The following NUGGC variants were observed in gnomAD, a reference collection of about 807,000 sequenced individuals.
The protein encoded by NUGGC is nuclear GTPase SLIP-GC.
A neutral mutation model predicts 92.6 loss-of-function variants in NUGGC; 58 were observed. That is an observed-to-expected ratio of 0.63 (90% confidence interval 0.51 to 0.78). The LOEUF (loss-of-function observed/expected upper bound fraction) is 0.78. Among genes scored for constraint, NUGGC ranks in the 30% least tolerant of loss-of-function variants. The probability of loss-of-function intolerance (pLI) is 0.00; values close to 1 mark genes in which losing one functional copy is unlikely to be tolerated. For synonymous variants in NUGGC, 376 were observed against 366.4 expected, an observed-to-expected ratio of 1.03 and a Z score of -0.30; for missense variants, 925 against 964.6, an observed-to-expected ratio of 0.96 and a Z score of 0.54.
At chr8:28,055,057 A>T (rs1057434666) in intron 10 of NUGGC, among the ~76,000 whole-genome samples, 1 of 151,986 alleles carries the variant, frequency 6.6e-6, no homozygotes, top group South Asian at 2.1e-4. Context: ...CATGGTGACC[A>T]GCCTGGTCAA....
At chr8:28,028,847 T>C (rs963080119) in intron 17 of NUGGC, among the ~76,000 whole-genome samples, 1 of 152,196 alleles carries the variant, frequency 6.6e-6, no homozygotes, top group Admixed American at 6.5e-5. Context: ...CTAAACAATC[T>C]GTTTTGAGAT....
chr8:28,040,836 G>C (rs1357776527), intron 13 of NUGGC, among the ~76,000 whole-genome samples: 1 of 151,994 alleles, frequency 6.6e-6, no homozygotes, highest in African/African-American at 2.4e-5. Flanking sequence ...TAGTAGAGAC[G>C]GGGTTTCACC....
intron 10 of NUGGC, among the ~76,000 whole-genome samples, chr8:28,051,539 T>C (rs1247764932): frequency 4.6e-5 from 7 of 152,180 alleles, no homozygotes; most frequent in African/African-American, 1.7e-4. Context: ...ACAGTCTTAG[T>C]AGGGGCACAA....
In NUGGC at chr8:28,074,371, G is replaced by C; in HGVS notation, c.40C>G (p.Pro14Ala). ...GAAGATACTGCAAAGATGTTACCTG[G>C]ATGCGGTTCCTGGCCAAAAACATCC... ...TKDVFGQEPH[P>A]VEDDLYKERT... The change falls in exon 2 of 19, where the codon CCA (proline) becomes GCA (alanine). Residue 14 changes from proline (P) to alanine (A), a missense_variant. Pro to Ala is a conservative substitution (Grantham distance 27). Coordinates refer to ENST00000413272, the MANE Select transcript of NUGGC (RefSeq NM_001010906.2). The C allele has an allele frequency of 6.2e-7, 1 of 1,610,262 alleles. No homozygotes were observed. Among genetic ancestry groups the C allele is most frequent in the African/African-American group, 1.3e-5 (1 of 74,896 alleles).
At chr8:28,052,278 A>G (rs1401645601) in intron 10 of NUGGC, among the ~76,000 whole-genome samples, 3 of 152,212 alleles carry the variant, frequency 2.0e-5, no homozygotes, top group Non-Finnish European at 4.4e-5. Context: ...GCTGCAGGCC[A>G]GGTGGCAGTC....
chr8:28,069,293 G>A (rs555740570), intron 4 of NUGGC, among the ~76,000 whole-genome samples: 1 of 152,250 alleles, frequency 6.6e-6, no homozygotes, highest in South Asian at 2.1e-4. Flanking sequence ...AAATGGAAGT[G>A]ATCATAATAG....
intron 1 of NUGGC, among the ~76,000 whole-genome samples, chr8:28,074,693 C>T (rs956281807): frequency 6.6e-6 from 1 of 152,224 alleles, no homozygotes; most frequent in Non-Finnish European, 1.5e-5. Flanking sequence ...AATCCCAGCT[C>T]TTTGGGAGGC....
chr8:28,024,826 T>C (rs1809216051), intron 18 of NUGGC, among the ~76,000 whole-genome samples: 1 of 152,220 alleles, frequency 6.6e-6, no homozygotes, highest in Admixed American at 6.5e-5. Flanking sequence ...CCAGCTTCAG[T>C]GACGCTTCCC....
chr8:28,030,335 CT>C lies in NUGGC; in HGVS notation c.1991del (p.Gln664ArgfsTer4). Reference sequence around the variant, plus strand: ...CTTCGTAACAGAGCTTCAGGTCACTCTGGACAGAGGCAGTGAGGGACTCGTA... The same window carrying C: ...CTTCGTAACAGAGCTTCAGGTCACTCGGACAGAGGCAGTGAGGGACTCGTA... Reference protein sequence around the residue: ...RIYESLTASVQSDLKLCYEEA... With the variant: ...RIYESLTASVXSDLKLCYEEA... On this transcript the variant is annotated frameshift_variant, in exon 16 of 19. Coordinates refer to ENST00000413272, the MANE Select transcript of NUGGC (RefSeq NM_001010906.2). LOFTEE classifies it high-confidence loss of function. 1 of 1,574,362 alleles carries C rather than the reference CT, an allele frequency of 6.4e-7. No individual in the cohort carries two copies. The highest frequency in any genetic ancestry group is 1.8e-5 in the Admixed American group (1 of 54,862).
intron 8 of NUGGC, among the ~76,000 whole-genome samples, chr8:28,059,800 T>TC (rs1442000635): frequency 6.6e-6 from 1 of 152,164 alleles, no homozygotes; most frequent in Non-Finnish European, 1.5e-5. Flanking sequence ...GGCGGGCAGA[T>TC]CACCTGAGGT....
intron 16 of NUGGC, among the ~76,000 whole-genome samples, chr8:28,030,039 T>C (rs1217910726): frequency 6.6e-6 from 1 of 152,172 alleles, no homozygotes; most frequent in Non-Finnish European, 1.5e-5. Flanking sequence ...AATGAGAACC[T>C]GGACACTGGA....
At chr8:28,047,461 T>C in intron 11 of NUGGC, 46 bp downstream of exon 11, 1 of 1,230,804 alleles carries the variant, frequency 8.1e-7, no homozygotes, top group Non-Finnish European at 1.2e-6. Context: ...GTGCCAAGCT[T>C]GATCTTGAGA....
intron 17 of NUGGC, among the ~76,000 whole-genome samples, chr8:28,029,047 A>G (rs1283331806): frequency 6.6e-6 from 1 of 152,172 alleles, no homozygotes; most frequent in East Asian, 1.9e-4. Context: ...ATAGCTGAGC[A>G]CATGTCTAGC....
At chr8:28,041,874 C>A (rs1563218487) in intron 12 of NUGGC, among the ~76,000 whole-genome samples, 1 of 152,250 alleles carries the variant, frequency 6.6e-6, no homozygotes, top group East Asian at 1.9e-4. Flanking sequence ...CCAGAGAAAG[C>A]CTTGACCCCT....
chr8:28,041,967 G>A (rs1809710844), intron 12 of NUGGC, among the ~76,000 whole-genome samples: 4 of 152,140 alleles, frequency 2.6e-5, no homozygotes, highest in Admixed American at 2.6e-4. Context: ...TTGTGGGGGG[G>A]ACCTGGTGGG....
chr8:28,043,063 C>T (rs1357991551), intron 12 of NUGGC, among the ~76,000 whole-genome samples: 1 of 152,166 alleles, frequency 6.6e-6, no homozygotes, highest in Non-Finnish European at 1.5e-5. Context: ...GCATTTTTCC[C>T]AGGACATCCT....
rs1809285136 is a variant in NUGGC, at chr8:28,027,151, A to G, written c.2155-99T>C. On this transcript the variant is annotated intron_variant, in intron 17 of 18. Transcript: ENST00000413272. The stretch of plus-strand genomic sequence containing the variant: ...ACCCAGTCCCCCAGCCACGGAAGGT[A>G]CAGACTGGGGTTGCCAAAGTCAGGC... 6 of 982,104 alleles carry G rather than the reference A, an allele frequency of 6.1e-6. No individual in the cohort carries two copies. In the East Asian group the frequency reaches 1.2e-4, roughly 20 times the overall value. The allele number at this position is 982,104 out of a possible 1,614,324, so 60.8% of individuals were successfully genotyped here.
At chr8:28,025,304 C>G (rs559503429) in intron 18 of NUGGC, among the ~76,000 whole-genome samples, 5 of 152,348 alleles carry the variant, frequency 3.3e-5, no homozygotes, top group African/African-American at 1.2e-4. Flanking sequence ...GTATGACCCC[C>G]TGACATGATG....
At chr8:28,048,288 C>T (rs1406454222) in intron 10 of NUGGC, among the ~76,000 whole-genome samples, 3 of 152,142 alleles carry the variant, frequency 2.0e-5, no homozygotes, top group Admixed American at 6.5e-5. Context: ...TCACTGCCTG[C>T]GTGTTATGGG....
Sources: gnomAD v4.1 joint callset for allele counts (sites outside exome capture counted in the v4.1 genomes callset) on GRCh38, gnomAD v4.1.1 for gene constraint, MANE v1.5 for transcripts, NCBI Gene and HGNC (gene_info 2026-07-23, HGNC 2026-07-21) for gene names.